INTS4: variants seen among roughly 807,000 people sequenced by gnomAD.
The protein encoded by INTS4 is integrator complex subunit 4.
Under a neutral mutation model 119.5 loss-of-function variants are expected in INTS4, and 70 were observed. The observed-to-expected ratio is 0.59, with a 90% CI of 0.48 to 0.71. INTS4 has a LOEUF of 0.71. INTS4 is among the 30% of genes least tolerant of loss of function. The pLI is 0.00. For missense variants in INTS4, 867 were observed against 1,173.2 expected, an observed-to-expected ratio of 0.74 and a Z score of 3.81; for synonymous variants, 316 against 419.6, an observed-to-expected ratio of 0.75 and a Z score of 3.02.
intron 21 of INTS4, among the ~76,000 whole-genome samples, chr11:77,890,427 GGCCCTTCTCTCATATCCCTTGT>G (rs1169780037): frequency 2.0e-5 from 3 of 151,726 alleles, no homozygotes; most frequent in African/African-American, 4.8e-5. Flanking sequence ...ATATCCCTTT[GGCCCTTCTCTCATATCCCTTGT>G]GCCCTTCTCC....
intron 18 of INTS4, among the ~76,000 whole-genome samples, chr11:77,899,555 A>G (rs1441905250): frequency 2.0e-5 from 3 of 152,050 alleles, no homozygotes; most frequent in African/African-American, 7.2e-5. Context: ...CTGTAATCCC[A>G]GCTACTTGGG....
intron 19 of INTS4, among the ~76,000 whole-genome samples, chr11:77,893,168 C>T (rs1952352540): frequency 6.6e-6 from 1 of 152,242 alleles, no homozygotes; most frequent in African/African-American, 2.4e-5. Flanking sequence ...CCTATTTCTT[C>T]ATCAAGCTTT....
chr11:77,879,340 G>A (rs1341865731), intron 22 of INTS4, among the ~76,000 whole-genome samples: 1 of 152,212 alleles, frequency 6.6e-6, no homozygotes, highest in Non-Finnish European at 1.5e-5. Context: ...GTGGCACAGA[G>A]CCAAAGCTGC....
At chr11:77,982,930 A>G (rs911894619) in intron 2 of INTS4, among the ~76,000 whole-genome samples, 2 of 152,334 alleles carry the variant, frequency 1.3e-5, no homozygotes, top group East Asian at 3.9e-4. Flanking sequence ...ACAGCGTTGG[A>G]AGATCTAAAA....
intron 4 of INTS4, among the ~76,000 whole-genome samples, chr11:77,966,086 T>A (rs1317296164): frequency 1.3e-5 from 2 of 152,232 alleles, no homozygotes; most frequent in Non-Finnish European, 2.9e-5. Context: ...CACTTTTTCA[T>A]GAACCTGTTG....
chr11:77,935,908 A>AAGAAAAGAAAGAGAGAAAAC (rs1953779228), intron 10 of INTS4, among the ~76,000 whole-genome samples: 2 of 141,010 alleles, frequency 1.4e-5, no homozygotes, highest in Non-Finnish European at 1.5e-5. Context: ...AAAAAAAAAA[A>AAGAAAAGAAAGAGAGAAAAC]AGAAAAGAAG....
chr11:77,967,987 C>T (rs768217748), intron 4 of INTS4, among the ~76,000 whole-genome samples: 6 of 152,186 alleles, frequency 3.9e-5, no homozygotes, highest in Non-Finnish European at 7.4e-5. Context: ...GCCTACTACA[C>T]CTAGACTACA....
chr11:77,894,587 T>C (rs1330912076), intron 18 of INTS4, among the ~76,000 whole-genome samples: 3 of 152,018 alleles, frequency 2.0e-5, no homozygotes, highest in African/African-American at 7.3e-5. Flanking sequence ...AATCAAAGAG[T>C]ATCACAGGCT....
intron 22 of INTS4, among the ~76,000 whole-genome samples, chr11:77,882,444 T>C (rs1002654060): frequency 7.2e-5 from 11 of 152,172 alleles, no homozygotes; most frequent in African/African-American, 2.7e-4. Flanking sequence ...TACAGCATAC[T>C]GTAATTTGCT....
At chr11:77,899,222 G>A (rs1952668938) in intron 18 of INTS4, among the ~76,000 whole-genome samples, 2 of 152,034 alleles carry the variant, frequency 1.3e-5, no homozygotes, top group African/African-American at 2.4e-5. Flanking sequence ...CCCAAGCAAT[G>A]TGGCACCACA....
chr11:77,899,739 A>C (rs1565231922), intron 18 of INTS4, among the ~76,000 whole-genome samples: 1 of 152,170 alleles, frequency 6.6e-6, no homozygotes, highest in Non-Finnish European at 1.5e-5. Flanking sequence ...TAGTATCTTT[A>C]TATAATGACA....
intron 10 of INTS4, among the ~76,000 whole-genome samples, chr11:77,933,395 G>C (rs1285387004): frequency 0.014 from 1 of 70 alleles, no homozygotes. Flanking sequence ...ACTGGTTTTC[G>C]TATTTTTTTT....
chr11:77,987,777 G>A lies in INTS4; in HGVS notation c.246+3331C>T, dbSNP rs13377201. ...TGGTCCCAGCTCCTCAGGAGGCTGA[G>A]GTGGGAGGATGGCTTGAGCCTGGGA... On this transcript the variant is annotated intron_variant, in intron 2 of 22. Transcript: ENST00000534064. 8.5e-4 allele frequency: 319 copies of A among 374,754 alleles called. 2 individuals carry two copies. Among genetic ancestry groups the A allele is most frequent in the African/African-American group, 6.6e-3 (309 of 46,880 alleles). 23.2% of individuals were successfully genotyped at this position (374,754 alleles called of 1,614,324 possible). A position where few individuals can be genotyped will look rare whatever the true frequency, so the allele number is the denominator to read the frequency against.
In INTS4 at chr11:77,945,561, T is replaced by C. The variant is rs537919846; in HGVS notation, c.919-4310A>G. Among the ~76,000 whole-genome samples the C allele has an allele frequency of 4.6e-5, 7 of 152,234 alleles. No homozygotes were observed. In the South Asian group the frequency reaches 1.5e-3, roughly 32 times the overall value. Reference sequence around the variant, plus strand: ...GATGATCTCAGCATCAGACCCCACATAGCGCTACCAACCATCCAGAAAACA... The same window carrying C: ...GATGATCTCAGCATCAGACCCCACACAGCGCTACCAACCATCCAGAAAACA... On this transcript the variant is annotated intron_variant, in intron 8 of 22. Transcript: ENST00000534064.
intron 12 of INTS4, chr11:77,924,481 T>C: frequency 2.9e-6 from 1 of 345,780 alleles, no homozygotes; most frequent in Non-Finnish European, 5.4e-6. Context: ...TTGTAACAGC[T>C]ACCACAAGGG....
intron 8 of INTS4, among the ~76,000 whole-genome samples, chr11:77,950,619 A>G (rs1954167533): frequency 6.6e-6 from 1 of 152,210 alleles, no homozygotes; most frequent in Middle Eastern, 3.2e-3. Flanking sequence ...TGATAAATGT[A>G]TGAGGTGATA....
chr11:77,940,384 T>C (rs1186181176), intron 9 of INTS4, among the ~76,000 whole-genome samples: 1 of 152,074 alleles, frequency 6.6e-6, no homozygotes, highest in African/African-American at 2.4e-5. Context: ...TGAGTAATGA[T>C]TGTGCCACTG....
downstream of INTS4, among the ~76,000 whole-genome samples, chr11:77,875,279 C>T (rs1326982136): frequency 6.6e-6 from 1 of 152,222 alleles, no homozygotes; most frequent in African/African-American, 2.4e-5. Flanking sequence ...GACATTCTTA[C>T]AGTCCAGGTA....
intron 18 of INTS4, among the ~76,000 whole-genome samples, chr11:77,895,507 T>C (rs866555600): frequency 2.7e-5 from 3 of 111,346 alleles, no homozygotes; most frequent in Admixed American, 1.2e-4. Context: ...GGAAGCAACA[T>C]TCATTCTAAT....
Sources: allele counts gnomAD v4.1 joint callset (sites outside exome capture counted in the v4.1 genomes callset), GRCh38; gene constraint gnomAD v4.1.1; transcripts MANE v1.5; gene names NCBI Gene and HGNC (gene_info 2026-07-23, HGNC 2026-07-21).